Variants in MAU2 observed in about 807,000 individuals in gnomAD.
MAU2 encodes MAU2 sister chromatid cohesion factor, also known as MAU2 chromatid cohesion factor homolog.
MAU2 carries 9 observed loss-of-function variants against 89.1 expected under a neutral mutation model. That is an observed-to-expected ratio of 0.10 (90% CI 0.06 to 0.18). The LOEUF (loss-of-function observed/expected upper bound fraction) is 0.18, where lower values mean the gene tolerates loss of function less well. Among genes scored for constraint, MAU2 ranks in the 10% least tolerant of loss-of-function variants. MAU2 has a pLI of 1.00. For synonymous variants in MAU2, 357 were observed against 343.4 expected, an observed-to-expected ratio of 1.04 and a Z score of -0.44; for missense variants, 425 against 803.5, an observed-to-expected ratio of 0.53 and a Z score of 5.69.
At chr19:19,350,227 C>CAG (rs1192775921) in intron 16 of MAU2, among the ~76,000 whole-genome samples, 1 of 147,922 alleles carries the variant, frequency 6.8e-6, no homozygotes, top group African/African-American at 2.5e-5. Context: ...ACCCAGGAGG[C>CAG]AGAGGTTGCA....
chr19:19,354,337 G>T lies in MAU2; in HGVS notation c.1549-18G>T. 6.2e-6 allele frequency: 10 copies of T among 1,608,190 alleles called. No homozygotes were observed. The highest frequency in any genetic ancestry group is 8.5e-6 in the Non-Finnish European group (10 of 1,174,722). On this transcript the variant is annotated intron_variant, in intron 16 of 18. Coordinates refer to ENST00000262815, the MANE Select transcript of MAU2 (RefSeq NM_015329.4). ...GGGTCCAGGCTCCTCACTCCCCCTT[G>T]CTGCTCTTGGTTGACAGGAGAGTAA...
chr19:19,332,892 CGT>C (rs2061567293), intron 1 of MAU2, among the ~76,000 whole-genome samples: 1 of 152,044 alleles, frequency 6.6e-6, no homozygotes, highest in Non-Finnish European at 1.5e-5. Flanking sequence ...GCCTGACCAA[CGT>C]AGAGAAACCC....
Position 19,335,825 on chromosome 19 carries a change from A to G in MAU2, c.294+90A>G. On this transcript the variant is annotated intron_variant, in intron 2 of 18. Transcript: ENST00000262815. ...CAAAGCTTGAATCCCACCTCCCGACATGCCCTGTGAGTTGAGGCTCGGCCC... is the reference window on the plus strand; with the variant it reads ...CAAAGCTTGAATCCCACCTCCCGACGTGCCCTGTGAGTTGAGGCTCGGCCC... 2.1e-6 allele frequency: 3 copies of G among 1,457,174 alleles called. No individual in the cohort carries two copies. The South Asian group carries it at 3.4e-5, about 17-fold the overall frequency. 90.3% of individuals were successfully genotyped at this position (1,457,174 alleles called of 1,614,324 possible).
chr19:19,321,124 C>T lies in MAU2; in HGVS notation c.265C>T (p.Leu89=), dbSNP rs749601682. ...GAACAGCGAGCAGGCGCGCAGCCAC[C>T]TGGAGAAGGCGGTGAGCGCGGGCCG... The part of the protein sequence containing the change: ...TKNSEQARSH[L]EKAWLISQQI... Residue 89 remains leucine, a synonymous_variant, in exon 1 of 19, where the codon CTG becomes TTG. Coordinates refer to ENST00000262815, the MANE Select transcript of MAU2 (RefSeq NM_015329.4). 1.9e-6 allele frequency: 3 copies of T among 1,590,952 alleles called. No homozygotes were observed. The highest frequency in any genetic ancestry group is 2.6e-6 in the Non-Finnish European group (3 of 1,168,996).
intron 17 of MAU2, chr19:19,354,759 C>T: frequency 2.2e-6 from 1 of 455,718 alleles, no homozygotes; most frequent in South Asian, 2.5e-5. Flanking sequence ...CAGACAGCAG[C>T]CATACCTATT....
intron 12 of MAU2, among the ~76,000 whole-genome samples, chr19:19,346,442 A>T (rs756321597): frequency 2.6e-5 from 4 of 152,066 alleles, no homozygotes; most frequent in Non-Finnish European, 4.4e-5. Flanking sequence ...TTCATGGCCC[A>T]CCCAGGAGTG....
rs2146646453 is a variant in MAU2, at chr19:19,322,942, GCGCAA to G, written c.276+1808_276+1812del. The stretch of plus-strand genomic sequence containing the variant: ...TTTCGCTCTTGTTGCCGGGGCTGTA[GCGCAA>G]TGGCAGGATCTCAGCCCACTGCAAC... On this transcript the variant is annotated intron_variant, in intron 1 of 18. Coordinates refer to ENST00000262815, the MANE Select transcript of MAU2 (RefSeq NM_015329.4). Among the ~76,000 whole-genome samples, 2 of 152,218 alleles carry G rather than the reference GCGCAA, an allele frequency of 1.3e-5. 1 individual carries two copies. The highest frequency in any genetic ancestry group is 4.1e-4 in the South Asian group (2 of 4,822).
At chr19:19,327,598 T>C (rs573774359) in intron 1 of MAU2, among the ~76,000 whole-genome samples, 2 of 152,262 alleles carry the variant, frequency 1.3e-5, no homozygotes, top group Admixed American at 1.3e-4. Context: ...GTGCTGGGAT[T>C]ACAGGCGTGA....
chr19:19,335,781 TTAAA>T, intron 2 of MAU2, 46 bp downstream of exon 2: 1 of 1,603,882 alleles, frequency 6.2e-7, no homozygotes, highest in Non-Finnish European at 8.5e-7. Context: ...AATTCTCCAC[TTAAA>T]TAAAAAGAAT....
At chr19:19,324,463 T>G (rs890728271) in intron 1 of MAU2, among the ~76,000 whole-genome samples, 1 of 152,132 alleles carries the variant, frequency 6.6e-6, no homozygotes, top group African/African-American at 2.4e-5. Context: ...TCTAAAACTC[T>G]CCTTTCTCTC....
intron 2 of MAU2, 143 bp from the exon 3 acceptor site, chr19:19,335,979 G>A: frequency 1.4e-6 from 1 of 723,088 alleles, no homozygotes. Context: ...AGGTTCACTG[G>A]GGGAACAGGA....
At chr19:19,340,520 TC>T (rs1340792465) in intron 5 of MAU2, among the ~76,000 whole-genome samples, 3 of 151,534 alleles carry the variant, frequency 2.0e-5, no homozygotes, top group Non-Finnish European at 2.9e-5. Flanking sequence ...GCGCCTGTAG[TC>T]CCAGCTACTC....
chr19:19,348,833 G>A, intron 13 of MAU2, 56 bp from the exon 14 acceptor site: 1 of 1,579,424 alleles, frequency 6.3e-7, no homozygotes, highest in South Asian at 1.1e-5. Context: ...GTGTGTCTTG[G>A]GGACCTTTCT....
At chr19:19,329,103 CTT>C (rs1228486938) in intron 1 of MAU2, 3 of 455,882 alleles carry the variant, frequency 6.6e-6, no homozygotes, top group African/African-American at 6.0e-5. Context: ...TAAATGCTTC[CTT>C]TTCTCTTAAG....
intron 1 of MAU2, among the ~76,000 whole-genome samples, chr19:19,330,574 C>T (rs2061547756): frequency 6.6e-6 from 1 of 152,162 alleles, no homozygotes; most frequent in African/African-American, 2.4e-5. Flanking sequence ...AACCCCGTCT[C>T]TACTGAAAAT....
chr19:19,344,288 T>A (rs955167843), intron 10 of MAU2: 1 of 289,326 alleles, frequency 3.5e-6, no homozygotes, highest in East Asian at 9.8e-5. Flanking sequence ...GGCAGACACC[T>A]GTAATCCCAG....
At chr19:19,350,627 ATGGTGG>A (rs2061735399) in intron 16 of MAU2, among the ~76,000 whole-genome samples, 1 of 150,552 alleles carries the variant, frequency 6.6e-6, no homozygotes. Flanking sequence ...AAGGCCGGGC[ATGGTGG>A]CTCACGCCTG....
rs2061719956 is a variant in MAU2 at position 19,349,072 on chromosome 19, A to G, written c.1359-83A>G. 5.1e-6 allele frequency: 8 copies of G among 1,561,184 alleles called. No homozygotes were observed. In the African/African-American group the frequency reaches 1.1e-4, roughly 21 times the overall value. On this transcript the variant is annotated intron_variant, in intron 14 of 18. Coordinates refer to ENST00000262815, the MANE Select transcript of MAU2 (RefSeq NM_015329.4). ...ACAGTCTGCAGTGGGGGCTCTCAGA[A>G]ATAGCCCCCAGCTGCCCACTGCCGT...
At chr19:19,355,234 C>T (rs535112783) in intron 17 of MAU2, 30 bp from the exon 18 acceptor site, 13 of 1,612,590 alleles carry the variant, frequency 8.1e-6, no homozygotes, top group African/African-American at 2.7e-5. Context: ...CAGGGCAAGG[C>T]GGGCCCCCAT....
Sources: gnomAD v4.1 joint callset for allele counts (sites outside exome capture counted in the v4.1 genomes callset) on GRCh38, gnomAD v4.1.1 for gene constraint, MANE v1.5 for transcripts, NCBI Gene and HGNC (gene_info 2026-07-23, HGNC 2026-07-21) for gene names.